AGBL4: variants seen among roughly 807,000 people sequenced by gnomAD.
The protein encoded by AGBL4 is AGBL carboxypeptidase 4, also known as cytosolic carboxypeptidase 6.
Under a neutral mutation model 66.4 loss-of-function variants are expected in AGBL4, and 58 were observed. That is an observed-to-expected ratio of 0.87 (90% CI 0.71 to 1.09). The LOEUF is 1.09. Ranked by LOEUF, AGBL4 falls within the 50% of genes least tolerant of loss-of-function variation. The pLI is 0.00. For missense variants in AGBL4, 579 were observed against 631.0 expected, an observed-to-expected ratio of 0.92 and a Z score of 0.88; for synonymous variants, 234 against 222.9, an observed-to-expected ratio of 1.05 and a Z score of -0.44.
intron 9 of AGBL4, among the ~76,000 whole-genome samples, chr1:48,608,572 T>TGG (rs1244267643): frequency 1.1e-3 from 173 of 151,768 alleles, no homozygotes; most frequent in African/African-American, 4.0e-3. Context: ...GATGGATGGA[T>TGG]AGATGGATGG....
At chr1:49,299,351 A>C (rs908090363) in intron 3 of AGBL4, among the ~76,000 whole-genome samples, 7 of 152,220 alleles carry the variant, frequency 4.6e-5, no homozygotes, top group Admixed American at 4.6e-4. Context: ...ACTCAAAATA[A>C]GATCTGATTA....
intron 1 of AGBL4, among the ~76,000 whole-genome samples, chr1:49,965,426 TA>T (rs1431012459): frequency 6.6e-6 from 1 of 152,204 alleles, no homozygotes. Context: ...CACACAAGAC[TA>T]TCAGGCAAAC....
At chr1:49,094,694 A>G (rs893861924) in intron 4 of AGBL4, among the ~76,000 whole-genome samples, 2 of 152,172 alleles carry the variant, frequency 1.3e-5, no homozygotes, top group African/African-American at 2.4e-5. Context: ...TCTCAAAATA[A>G]TAAGAGCTAT....
At chr1:49,950,130 A>G (rs12728348) in intron 1 of AGBL4, among the ~76,000 whole-genome samples, 17,802 of 141,006 alleles carry the variant, frequency 0.13, 1,259 homozygotes, top group East Asian at 0.3. Flanking sequence ...ACATATGTGT[A>G]TATATATACA....
intron 6 of AGBL4, among the ~76,000 whole-genome samples, chr1:48,686,155 G>A (rs534088762): frequency 5.9e-5 from 9 of 152,278 alleles, no homozygotes; most frequent in South Asian, 4.1e-4. Flanking sequence ...AACACAGCCA[G>A]GATCTACTGG....
At chr1:48,591,086 A>ACCCCCCCCCCC (rs1644910461) in intron 9 of AGBL4, 101 bp from the exon 10 acceptor site, 2 of 654,268 alleles carry the variant, frequency 3.1e-6, no homozygotes, top group African/African-American at 3.6e-5. Context: ...ACACACACCC[A>ACCCCCCCCCCC]CCCACCCCCC....
chr1:49,390,388 T>G (rs1441256682), intron 3 of AGBL4, among the ~76,000 whole-genome samples: 1 of 152,190 alleles, frequency 6.6e-6, no homozygotes, highest in African/African-American at 2.4e-5. Context: ...TGCATTTCAT[T>G]TGCAATATAT....
intron 6 of AGBL4, among the ~76,000 whole-genome samples, chr1:48,678,922 G>T (rs1646411320): frequency 6.6e-6 from 1 of 152,196 alleles, no homozygotes; most frequent in Admixed American, 6.5e-5. Flanking sequence ...ACTGTTAAAG[G>T]GAAACTTTCT....
chr1:49,015,760 T>C (rs1662774629), intron 5 of AGBL4, among the ~76,000 whole-genome samples: 1 of 152,146 alleles, frequency 6.6e-6, no homozygotes, highest in African/African-American at 2.4e-5. Flanking sequence ...CTCCGTTCTA[T>C]ATCCTTTGAA....
chr1:48,858,730 G>A (rs941277399), intron 6 of AGBL4, among the ~76,000 whole-genome samples: 2 of 152,150 alleles, frequency 1.3e-5, no homozygotes, highest in African/African-American at 4.8e-5. Context: ...TTGGGGTGAT[G>A]GCAGTGTTCT....
intron 2 of AGBL4, among the ~76,000 whole-genome samples, chr1:49,738,432 C>T (rs914366531): frequency 2.6e-5 from 4 of 152,226 alleles, no homozygotes; most frequent in African/African-American, 4.8e-5. Context: ...TGGAGCCCAC[C>T]GCAGCTCAAG....
chr1:48,668,323 T>C (rs1646222425), intron 6 of AGBL4, among the ~76,000 whole-genome samples: 1 of 152,146 alleles, frequency 6.6e-6, no homozygotes, highest in Non-Finnish European at 1.5e-5. Flanking sequence ...TCTGCCTGGA[T>C]ACCAAAATGG....
chr1:48,662,663 T>C (rs756306558), intron 7 of AGBL4, among the ~76,000 whole-genome samples: 12 of 152,232 alleles, frequency 7.9e-5, no homozygotes, highest in Non-Finnish European at 1.8e-4. Context: ...TCTGGTTGTC[T>C]GATGCCAAGT....
At chr1:49,264,183 C>A (rs917843579) in intron 3 of AGBL4, among the ~76,000 whole-genome samples, 1 of 151,926 alleles carries the variant, frequency 6.6e-6, no homozygotes, top group South Asian at 2.1e-4. Flanking sequence ...TCCGTAATGA[C>A]TTATTTATCA....
intron 5 of AGBL4, among the ~76,000 whole-genome samples, chr1:48,974,251 T>C (rs575170716): frequency 6.6e-5 from 10 of 152,264 alleles, no homozygotes; most frequent in South Asian, 2.1e-4. Flanking sequence ...GAGCCAAGTA[T>C]GCCTGTCAGA....
At position 48,610,143 on chromosome 1, in the gene AGBL4, G is replaced by A. The variant is rs188202703; in HGVS notation, c.952-19158C>T. ...AAACAATAAAAAATAAAAAGAGCAC[G>A]TGCCTAGTGGAGAAGCTGCTGCTGC... On this transcript the variant is annotated intron_variant, in intron 9 of 13. Coordinates refer to ENST00000371839, the MANE Select transcript of AGBL4 (RefSeq NM_032785.4). 3.8e-4 allele frequency among the ~76,000 whole-genome samples: 58 copies of A among 152,338 alleles called. No individual in the cohort carries two copies. The Middle Eastern group carries it at 0.014, about 36-fold the overall frequency.
At chr1:49,004,732 C>T (rs528699005) in intron 5 of AGBL4, among the ~76,000 whole-genome samples, 1 of 152,270 alleles carries the variant, frequency 6.6e-6, no homozygotes, top group African/African-American at 2.4e-5. Context: ...ATTAGTGGAG[C>T]CTTGAAGTAA....
Position 49,773,688 on chromosome 1 carries a change from G to A in AGBL4, c.158-76251C>T, listed in dbSNP as rs183628511. Among the ~76,000 whole-genome samples the A allele has an allele frequency of 2.3e-3, 348 of 152,342 alleles. 3 individuals are homozygous for A. The highest frequency in any genetic ancestry group is 7.9e-3 in the African/African-American group (328 of 41,566). The stretch of plus-strand genomic sequence containing the variant: ...AGGTTGTGTGTCTGACTCTGGAATG[G>A]CAAGGCCACTGCCAGACTCACTATC... On this transcript the variant is annotated intron_variant, in intron 2 of 13. Coordinates refer to ENST00000371839, the MANE Select transcript of AGBL4 (RefSeq NM_032785.4).
At chr1:49,932,023 CA>C (rs1653414171) in intron 1 of AGBL4, among the ~76,000 whole-genome samples, 2 of 152,058 alleles carry the variant, frequency 1.3e-5, no homozygotes, top group Non-Finnish European at 2.9e-5. Flanking sequence ...TTTGGGTTGG[CA>C]GATTAATAAT....
Sources: allele counts gnomAD v4.1 joint callset (sites outside exome capture counted in the v4.1 genomes callset), GRCh38; gene constraint gnomAD v4.1.1; transcripts MANE v1.5; gene names NCBI Gene and HGNC (gene_info 2026-07-23, HGNC 2026-07-21).